PGR: variants seen among roughly 807,000 people sequenced by gnomAD.
PGR encodes progesterone receptor, also known as nuclear receptor subfamily 3 group C member 3.
Under a neutral mutation model 76.1 loss-of-function variants are expected in PGR, and 25 were observed. The ratio of observed to expected loss-of-function variants is 0.33; its 90% confidence interval spans 0.24 to 0.46. The LOEUF (loss-of-function observed/expected upper bound fraction) is 0.46, where lower values mean the gene tolerates loss of function less well. PGR is among the 20% of genes least tolerant of loss of function. The pLI is 1.00. For missense variants in PGR, 1,172 were observed against 1,225.3 expected, an observed-to-expected ratio of 0.96 and a Z score of 0.65; for synonymous variants, 579 against 535.0, an observed-to-expected ratio of 1.08 and a Z score of -1.14.
rs1422035156 is a variant in PGR, at chr11:101,127,511, G to T, written c.1560C>A (p.Leu520=). Residue 520 remains leucine (L), a synonymous_variant, in exon 1 of 8, where the codon CTC becomes CTA. Transcript: ENST00000325455. ...ALYPALGLNG[L]PQLGYQAAVL... ...CGGCGGCCTGGTAGCCGAGCTGCGG[G>T]AGCCCGTTGAGGCCGAGTGCAGGGT... is the stretch of plus-strand genomic sequence containing the variant. The T allele has an allele frequency of 6.5e-7, 1 of 1,539,950 alleles. No homozygotes were observed. The highest frequency in any genetic ancestry group is 8.7e-7 in the Non-Finnish European group (1 of 1,147,596).
chr11:101,128,557 C>G lies in PGR; in HGVS notation c.514G>C (p.Val172Leu). Reference protein sequence around the residue: ...SPLMSRSGCKVGDSSGTAAAH... With the variant: ...SPLMSRSGCKLGDSSGTAAAH... ...GCTGCCGTCCCGGAGCTGTCTCCAA[C>G]CTTGCACCCGGACCGGCTCATGAGC... is the stretch of plus-strand genomic sequence containing the variant. The change falls in exon 1 of 8, where the codon GTT (valine) becomes CTT (leucine). Residue 172 changes from valine to leucine, a missense_variant. By Grantham distance (32) the Val-to-Leu change is conservative. This residue lies in a region of PGR where 893 missense variants were observed against 785.9 expected (regional missense o/e 1.14). Coordinates refer to ENST00000325455, the MANE Select transcript of PGR (RefSeq NM_000926.4). 6.3e-7 allele frequency: 1 copy of G among 1,599,590 alleles called. No individual in the cohort carries two copies. Among genetic ancestry groups the G allele is most frequent in the Non-Finnish European group, 8.5e-7 (1 of 1,176,086 alleles).
At position 101,062,703 on chromosome 11, in the gene PGR, A is replaced by G; in HGVS notation, c.1956T>C (p.Asp652=). 1 of 1,613,872 alleles carries G rather than the reference A, an allele frequency of 6.2e-7. No individual in the cohort carries two copies. The highest frequency in any genetic ancestry group is 1.1e-5 in the South Asian group (1 of 91,084). ...FNKVRVVRAL[D]AVALPQPVGV... ...CCACTGGCTGTGGGAGAGCAACAGCATCCAGTGCTCTCACAACTCTGACTT... is the reference window on the plus strand; with the variant it reads ...CCACTGGCTGTGGGAGAGCAACAGCGTCCAGTGCTCTCACAACTCTGACTT... Residue 652 remains aspartate, a synonymous_variant, in exon 4 of 8, where the codon GAT becomes GAC. Transcript: ENST00000325455.
rs1591362155 is a variant in PGR at position 101,036,552 on chromosome 11, T to G, written c.*2564A>C. The G allele has an allele frequency of 1.0e-5, 2 of 198,438 alleles. No homozygotes were observed. The highest frequency in any genetic ancestry group is 6.0e-5 in the Admixed American group (1 of 16,596). The allele number at this position is 198,438 out of a possible 1,614,324, so 12.3% of individuals were successfully genotyped here. A position where few individuals can be genotyped will look rare whatever the true frequency, so the allele number is the denominator to read the frequency against. On this transcript the variant is annotated 3_prime_UTR_variant, in exon 8 of 8. Coordinates refer to ENST00000325455, the MANE Select transcript of PGR (RefSeq NM_000926.4). ...AATGGTTATGATGACTAAATAGTAA[T>G]GGAGACATTAGTAGATAGGACTTTG...
intron 2 of PGR, among the ~76,000 whole-genome samples, chr11:101,104,210 T>G (rs1348216397): frequency 1.3e-5 from 2 of 152,194 alleles, no homozygotes; most frequent in Non-Finnish European, 2.9e-5. Flanking sequence ...TGCTGCCTTG[T>G]TTTTTAGTTT....
In PGR at chr11:101,129,123, G is replaced by C; in HGVS notation, c.-53C>G. Reference sequence around the variant, plus strand: ...CCCGTCTCCAGGAGGAGGGAAAAGGGAAGGAGGAGGGGGTTTCGGGAATAT... The same window carrying C: ...CCCGTCTCCAGGAGGAGGGAAAAGGCAAGGAGGAGGGGGTTTCGGGAATAT... On this transcript the variant is annotated 5_prime_UTR_variant, in exon 1 of 8. Transcript: ENST00000325455. 1 of 1,428,290 alleles carries C rather than the reference G, an allele frequency of 7.0e-7. No homozygotes were observed. The highest frequency in any genetic ancestry group is 9.2e-7 in the Non-Finnish European group (1 of 1,083,342). 88.5% of individuals were successfully genotyped at this position (1,428,290 alleles called of 1,614,324 possible).
At chr11:101,090,117 G>T (rs187941229) in intron 3 of PGR, among the ~76,000 whole-genome samples, 2 of 152,222 alleles carry the variant, frequency 1.3e-5, no homozygotes, top group Non-Finnish European at 2.9e-5. Context: ...AGAATCGCTG[G>T]AACCTGGGAG....
At chr11:101,064,632 C>T (rs1358094941) in intron 3 of PGR, among the ~76,000 whole-genome samples, 1 of 152,054 alleles carries the variant, frequency 6.6e-6, no homozygotes, top group Non-Finnish European at 1.5e-5. Context: ...CTATAATCTT[C>T]AACAAAGGCA....
chr11:101,051,059 A>G (rs1860071237), intron 5 of PGR: 1 of 186,614 alleles, frequency 5.4e-6, no homozygotes, highest in African/African-American at 2.4e-5. Context: ...ATAAATTAGC[A>G]GTCTAATTTG....
chr11:101,084,279 A>C (rs1489664755), intron 3 of PGR, among the ~76,000 whole-genome samples: 1 of 152,122 alleles, frequency 6.6e-6, no homozygotes, highest in Non-Finnish European at 1.5e-5. Flanking sequence ...GAGTCATTTA[A>C]ATGTCATTTC....
intron 2 of PGR, among the ~76,000 whole-genome samples, chr11:101,120,315 G>A (rs1862636063): frequency 6.6e-6 from 1 of 152,162 alleles, no homozygotes; most frequent in African/African-American, 2.4e-5. Flanking sequence ...ATCAATACAT[G>A]TATCTGAAGT....
chr11:101,068,965 C>G (rs1246849666), intron 3 of PGR, among the ~76,000 whole-genome samples: 1 of 152,158 alleles, frequency 6.6e-6, no homozygotes, highest in African/African-American at 2.4e-5. Context: ...TGGGCAAAGA[C>G]TTCATGACTA....
chr11:101,066,109 A>G (rs1004009222), intron 3 of PGR, among the ~76,000 whole-genome samples: 1 of 152,152 alleles, frequency 6.6e-6, no homozygotes, highest in East Asian at 1.9e-4. Context: ...CCTCTCACAC[A>G]TAATGTATTC....
At chr11:101,060,514 C>T (rs1860453477) in intron 4 of PGR, among the ~76,000 whole-genome samples, 1 of 152,118 alleles carries the variant, frequency 6.6e-6, no homozygotes, top group Admixed American at 6.6e-5. Context: ...AAGCTTATTT[C>T]AAGTCAATTG....
chr11:101,030,389 A>G lies in PGR; in HGVS notation c.*8727T>C. On this transcript the variant is annotated 3_prime_UTR_variant, in exon 8 of 8. Transcript: ENST00000325455. ...GTATGTGATGATATCGTTAAAATAC[A>G]TGATCACTTAATTTTTACAGTTTTG... 4.4e-6 allele frequency: 1 copy of G among 229,046 alleles called. No individual in the cohort carries two copies. The highest frequency in any genetic ancestry group is 6.3e-5 in the East Asian group (1 of 15,994). 14.2% of individuals were successfully genotyped at this position (229,046 alleles called of 1,614,324 possible).
At chr11:101,058,899 C>T (rs1413940059) in intron 4 of PGR, among the ~76,000 whole-genome samples, 3 of 152,018 alleles carry the variant, frequency 2.0e-5, no homozygotes, top group Admixed American at 6.6e-5. Flanking sequence ...TTAAATCTCC[C>T]GAAGGCCAGT....
At chr11:101,076,522 G>A (rs1373994529) in intron 3 of PGR, among the ~76,000 whole-genome samples, 1 of 151,722 alleles carries the variant, frequency 6.6e-6, no homozygotes, top group African/African-American at 2.4e-5. Context: ...AAAAAGTATG[G>A]CTTATTTAAA....
At chr11:101,059,130 C>T (rs1860394120) in intron 4 of PGR, among the ~76,000 whole-genome samples, 1 of 151,814 alleles carries the variant, frequency 6.6e-6, no homozygotes, top group African/African-American at 2.4e-5. Context: ...CATACTGTTC[C>T]TTCTATCTAG....
At chr11:101,059,254 C>T (rs1860398215) in intron 4 of PGR, among the ~76,000 whole-genome samples, 2 of 152,034 alleles carry the variant, frequency 1.3e-5, no homozygotes, top group South Asian at 4.1e-4. Flanking sequence ...AAATGTTCTT[C>T]TGTCCCCACT....
intron 2 of PGR, among the ~76,000 whole-genome samples, chr11:101,096,303 T>C (rs938165748): frequency 6.6e-6 from 1 of 152,228 alleles, no homozygotes; most frequent in Non-Finnish European, 1.5e-5. Flanking sequence ...CAATTCACTC[T>C]AACTTTTCAT....
Sources: allele counts gnomAD v4.1 joint callset (sites outside exome capture counted in the v4.1 genomes callset), GRCh38; gene constraint gnomAD v4.1.1; regional missense constraint gnomAD v4.1.1; transcripts MANE v1.5; gene names NCBI Gene and HGNC (gene_info 2026-07-23, HGNC 2026-07-21).